The following EPHA7 variants were observed in gnomAD, a reference collection of about 807,000 sequenced individuals.
EPHA7 encodes EPH receptor A7.
Under a neutral mutation model 112.6 loss-of-function variants are expected in EPHA7, and 25 were observed. That is an observed-to-expected ratio of 0.22 (90% CI 0.16 to 0.31). EPHA7 has a LOEUF of 0.31. Ranked by LOEUF, EPHA7 falls within the 10% of genes least tolerant of loss-of-function variation. EPHA7 has a pLI of 1.00. For synonymous variants in EPHA7, 437 were observed against 406.5 expected (o/e 1.07, Z -0.90); for missense variants, 962 against 1,212.6 (o/e 0.79, Z 3.07).
chr6:93,258,063 TC>T lies in EPHA7; in HGVS notation c.2110+35del, dbSNP rs753078234. The T allele has an allele frequency of 1.9e-6, 3 of 1,568,100 alleles. No homozygotes were observed. In the African/African-American group the frequency reaches 4.1e-5, roughly 21 times the overall value. Reference sequence around the variant, plus strand: ...AATAATACTAATTTCTGACACTCAGTCTTTTTGATAAAATAAAGATATAACC... The same window carrying T: ...AATAATACTAATTTCTGACACTCAGTTTTTTGATAAAATAAAGATATAACC... On this transcript the variant is annotated intron_variant, in intron 11 of 16. Coordinates refer to ENST00000369303, the MANE Select transcript of EPHA7 (RefSeq NM_004440.4).
At chr6:93,405,813 G>GTGTGTATATATATATA (rs1357089640) in intron 3 of EPHA7, among the ~76,000 whole-genome samples, 4 of 73,982 alleles carry the variant, frequency 5.4e-5, no homozygotes, top group East Asian at 6.1e-4. Flanking sequence ...GTGTGTGTGT[G>GTGTGTATATATATATA]TATATATATA....
rs544451857 is a variant in EPHA7 at position 93,348,880 on chromosome 6, C to T, written c.1324+7837G>A. On this transcript the variant is annotated intron_variant, in intron 5 of 16. Coordinates refer to ENST00000369303, the MANE Select transcript of EPHA7 (RefSeq NM_004440.4). ...GGCTAGAGAGTATGATCAAAGGTAC[C>T]GCCATTTTCCCCTAATGAAGCCTAA... 1.1e-3 allele frequency among the ~76,000 whole-genome samples: 61 copies of T among 54,758 alleles called. 1 individual carries two copies. The South Asian group carries it at 0.027, about 24-fold the overall frequency. 35.9% of individuals were successfully genotyped at this position (54,758 alleles called of 152,430 possible).
intron 3 of EPHA7, among the ~76,000 whole-genome samples, chr6:93,379,239 G>T (rs1777215725): frequency 6.6e-6 from 1 of 151,960 alleles, no homozygotes; most frequent in East Asian, 1.9e-4. Context: ...CTGGTAGGTA[G>T]AAAGAAAAAT....
intron 15 of EPHA7, 47 bp from the exon 16 acceptor site, chr6:93,245,500 A>G (rs752140433): frequency 8.8e-6 from 14 of 1,583,084 alleles, no homozygotes; most frequent in Non-Finnish European, 1.2e-5. Flanking sequence ...TGAAATACCA[A>G]AGAAAGAATG....
rs200274384 is a variant in EPHA7, at chr6:93,284,936, GTA to G, written c.1325-12516_1325-12515del. Among the ~76,000 whole-genome samples, 1,265 of 152,140 alleles carry G rather than the reference GTA, an allele frequency of 8.3e-3. 20 individuals are homozygous for G. The highest frequency in any genetic ancestry group is 0.029 in the African/African-American group (1,203 of 41,470). On this transcript the variant is annotated intron_variant, in intron 5 of 16. Coordinates refer to ENST00000369303, the MANE Select transcript of EPHA7 (RefSeq NM_004440.4). Reference sequence around the variant, plus strand: ...GGTGCAGCAAACCACCATGGCGTGTGTATACCTATGTAACAAACCTGCACATT... The same window carrying G: ...GGTGCAGCAAACCACCATGGCGTGTGTACCTATGTAACAAACCTGCACATT...
intron 5 of EPHA7, among the ~76,000 whole-genome samples, chr6:93,318,157 A>C (rs2127878390): frequency 6.6e-6 from 1 of 152,336 alleles, no homozygotes; most frequent in Non-Finnish European, 1.5e-5. Context: ...TGAATAAAAT[A>C]GTGTATATGA....
intron 2 of EPHA7, among the ~76,000 whole-genome samples, chr6:93,411,695 T>A (rs775251049): frequency 3.3e-5 from 5 of 152,164 alleles, no homozygotes; most frequent in Non-Finnish European, 5.9e-5. Flanking sequence ...TATTTTACAA[T>A]CGTTTCAAAA....
chr6:93,257,354 T>A lies in EPHA7; in HGVS notation c.2172+108A>T, dbSNP rs904299386. The A allele has an allele frequency of 2.5e-5, 18 of 721,892 alleles. No individual in the cohort carries two copies. The African/African-American group carries it at 3.3e-4, about 13-fold the overall frequency. 44.7% of individuals were successfully genotyped at this position (721,892 alleles called of 1,614,324 possible). ...GATTTTCAAAGACAATCTTCTAACCTCTTACTATTTTACAAGGCTCTCATT... is the reference window on the plus strand; with the variant it reads ...GATTTTCAAAGACAATCTTCTAACCACTTACTATTTTACAAGGCTCTCATT... On this transcript the variant is annotated intron_variant, in intron 12 of 16. Coordinates refer to ENST00000369303, the MANE Select transcript of EPHA7 (RefSeq NM_004440.4).
chr6:93,348,691 G>A (rs1775532148), intron 5 of EPHA7, among the ~76,000 whole-genome samples: 1 of 151,844 alleles, frequency 6.6e-6, no homozygotes, highest in East Asian at 1.9e-4. Flanking sequence ...TGTACTCATT[G>A]CATAATTTAA....
chr6:93,394,526 G>A (rs1036085129), intron 3 of EPHA7, among the ~76,000 whole-genome samples: 9 of 151,612 alleles, frequency 5.9e-5, no homozygotes, highest in African/African-American at 2.2e-4. Context: ...ACAATGCCAG[G>A]AGGAAACTAT....
intron 3 of EPHA7, among the ~76,000 whole-genome samples, chr6:93,404,089 A>T (rs1186456310): frequency 6.6e-6 from 1 of 152,102 alleles, no homozygotes; most frequent in African/African-American, 2.4e-5. Flanking sequence ...AAAGAAAATA[A>T]GGTGAAGATG....
intron 5 of EPHA7, among the ~76,000 whole-genome samples, chr6:93,287,448 AT>A (rs1772123606): frequency 6.6e-6 from 1 of 150,468 alleles, no homozygotes; most frequent in South Asian, 2.1e-4. Context: ...TAGCATTAAT[AT>A]TTTTAATCTC....
intron 5 of EPHA7, among the ~76,000 whole-genome samples, chr6:93,309,227 G>T (rs1264604050): frequency 6.6e-6 from 1 of 152,200 alleles, no homozygotes; most frequent in Non-Finnish European, 1.5e-5. Context: ...GGGATTGCAG[G>T]CGTGAGCCAC....
chr6:93,306,968 G>T lies in EPHA7; in HGVS notation c.1325-34546C>A, dbSNP rs144463583. Among the ~76,000 whole-genome samples the T allele has an allele frequency of 5.0e-3, 765 of 151,702 alleles. 12 individuals are homozygous for T. Among genetic ancestry groups the T allele is most frequent in the African/African-American group, 0.018 (738 of 41,440 alleles). ...TTAATTTTAACAGAAAATATCATAGGGGATTGACACATTTAGAATTGCTCA... is the reference window on the plus strand; with the variant it reads ...TTAATTTTAACAGAAAATATCATAGTGGATTGACACATTTAGAATTGCTCA... On this transcript the variant is annotated intron_variant, in intron 5 of 16. Coordinates refer to ENST00000369303, the MANE Select transcript of EPHA7 (RefSeq NM_004440.4).
chr6:93,331,074 T>C (rs991767784), intron 5 of EPHA7, among the ~76,000 whole-genome samples: 1 of 151,462 alleles, frequency 6.6e-6, no homozygotes, highest in African/African-American at 2.4e-5. Flanking sequence ...GATAAACTAA[T>C]GGCTATTTGG....
At chr6:93,294,781 C>T (rs1772567068) in intron 5 of EPHA7, among the ~76,000 whole-genome samples, 1 of 151,974 alleles carries the variant, frequency 6.6e-6, no homozygotes. Flanking sequence ...TATAGATTCA[C>T]ATATGGCATT....
chr6:93,243,784 T>G (rs992578414), intron 16 of EPHA7, among the ~76,000 whole-genome samples: 1 of 152,108 alleles, frequency 6.6e-6, no homozygotes, highest in African/African-American at 2.4e-5. Context: ...TTAAAGTGAT[T>G]TGAAATTTTA....
intron 5 of EPHA7, among the ~76,000 whole-genome samples, chr6:93,289,775 T>C (rs993853099): frequency 2.0e-5 from 3 of 152,182 alleles, no homozygotes; most frequent in Admixed American, 6.5e-5. Context: ...AATTTGGAGA[T>C]TAAGTAGGAC....
At chr6:93,283,585 G>C (rs140098884) in intron 5 of EPHA7, among the ~76,000 whole-genome samples, 4,239 of 151,824 alleles carry the variant, frequency 0.028, 182 homozygotes, top group African/African-American at 0.097. Flanking sequence ...AACAACTCCA[G>C]ACGCACTGCC....
Sources: gnomAD v4.1 joint callset for allele counts (sites outside exome capture counted in the v4.1 genomes callset) on GRCh38, gnomAD v4.1.1 for gene constraint, MANE v1.5 for transcripts, NCBI Gene and HGNC (gene_info 2026-07-23, HGNC 2026-07-21) for gene names.